TCF4: variants seen among roughly 807,000 people sequenced by gnomAD.
The protein encoded by TCF4 is transcription factor 4.
Under a neutral mutation model 82.1 loss-of-function variants are expected in TCF4, and 3 were observed. That is an observed-to-expected ratio of 0.04 (90% CI 0.02 to 0.09). The LOEUF is 0.09. TCF4 is among the 10% of genes least tolerant of loss of function. TCF4 has a pLI of 1.00. For synonymous variants in TCF4, 276 were observed against 309.6 expected, an observed-to-expected ratio of 0.89 and a Z score of 1.14; for missense variants, 518 against 852.7, an observed-to-expected ratio of 0.61 and a Z score of 4.89.
intron 8 of TCF4, among the ~76,000 whole-genome samples, chr18:55,285,738 C>T (rs1464511700): frequency 5.3e-5 from 8 of 152,144 alleles, no homozygotes. Context: ...TGCCACTCGC[C>T]GTCAGGACAG....
In TCF4 at chr18:55,276,082, A is replaced by G. The variant is rs185144249; in HGVS notation, c.656-330T>C. Among the ~76,000 whole-genome samples, 28 of 152,296 alleles carry G rather than the reference A, an allele frequency of 1.8e-4. No individual in the cohort carries two copies. The East Asian group carries it at 5.2e-3, about 28-fold the overall frequency. On this transcript the variant is annotated intron_variant, in intron 9 of 19. Coordinates refer to ENST00000354452, the MANE Select transcript of TCF4 (RefSeq NM_001083962.2). The stretch of plus-strand genomic sequence containing the variant: ...TAGAAGTCTTCTAACTGTTTTTTCT[A>G]TGAAAACCAACTAAAAAGTTAAATT...
At chr18:55,361,324 T>C (rs2085126993) in intron 6 of TCF4, among the ~76,000 whole-genome samples, 1 of 152,016 alleles carries the variant, frequency 6.6e-6, no homozygotes, top group Non-Finnish European at 1.5e-5. Context: ...CTTTCACACA[T>C]TTCTCCACTA....
intron 6 of TCF4, among the ~76,000 whole-genome samples, chr18:55,352,480 T>C (rs907612357): frequency 6.6e-6 from 1 of 152,152 alleles, no homozygotes; most frequent in East Asian, 1.9e-4. Flanking sequence ...TCAAGAGATA[T>C]GTAATAAACA....
chr18:55,244,815 A>G (rs543657455), intron 15 of TCF4, among the ~76,000 whole-genome samples: 12 of 152,348 alleles, frequency 7.9e-5, no homozygotes, highest in African/African-American at 2.4e-4. Context: ...ATTCTCCAAT[A>G]ACTTTCACAC....
At chr18:55,239,626 T>C (rs1323905045) in intron 15 of TCF4, among the ~76,000 whole-genome samples, 1 of 152,242 alleles carries the variant, frequency 6.6e-6, no homozygotes, top group Non-Finnish European at 1.5e-5. Flanking sequence ...GGGAAAATCA[T>C]AGTTCATTAA....
intron 8 of TCF4, chr18:55,332,159 T>G (rs551320673): frequency 5.9e-5 from 9 of 152,294 alleles, no homozygotes. Flanking sequence ...AAACATTTTC[T>G]TAGAGGGACA....
At chr18:55,560,490 A>G (rs1381184060) in intron 3 of TCF4, among the ~76,000 whole-genome samples, 1 of 152,186 alleles carries the variant, frequency 6.6e-6, no homozygotes, top group Non-Finnish European at 1.5e-5. Flanking sequence ...ACAAATGAGG[A>G]AATTCTATCC....
Position 55,259,566 on chromosome 18 carries a change from T to A in TCF4, c.1069+383A>T, listed in dbSNP as rs182222556. ...TGCAGGAAATGATCCATTTAAATAG[T>A]CTATATTTGATGACTATCTAGTCTA... On this transcript the variant is annotated intron_variant, in intron 13 of 19. Transcript: ENST00000354452. 2.8e-3 allele frequency: 506 copies of A among 179,248 alleles called. 1 individual carries two copies. Among genetic ancestry groups the A allele is most frequent in the Middle Eastern group, 0.017 (6 of 352 alleles). 11.1% of individuals were successfully genotyped at this position (179,248 alleles called of 1,614,324 possible). A position where few individuals can be genotyped will look rare whatever the true frequency, so the allele number is the denominator to read the frequency against.
chr18:55,375,065 G>A (rs1175042928), intron 6 of TCF4, among the ~76,000 whole-genome samples: 1 of 151,666 alleles, frequency 6.6e-6, no homozygotes, highest in Non-Finnish European at 1.5e-5. Context: ...CTCCTCTCAA[G>A]GTAGAACCTT....
chr18:55,412,468 C>T (rs2094387955), intron 5 of TCF4, among the ~76,000 whole-genome samples: 1 of 151,952 alleles, frequency 6.6e-6, no homozygotes, highest in Non-Finnish European at 1.5e-5. Flanking sequence ...ATTGATCAGA[C>T]CCACTGGCCC....
intron 3 of TCF4, among the ~76,000 whole-genome samples, chr18:55,555,806 C>T (rs1244561995): frequency 1.4e-4 from 22 of 151,900 alleles, no homozygotes; most frequent in Admixed American, 1.4e-3. Flanking sequence ...AATCCATTAT[C>T]GGTGTACATT....
At chr18:55,530,325 T>C (rs1222519480) in intron 3 of TCF4, among the ~76,000 whole-genome samples, 1 of 151,806 alleles carries the variant, frequency 6.6e-6, no homozygotes, top group Non-Finnish European at 1.5e-5. Context: ...GAGTAGGGGG[T>C]TGGGATTCAA....
chr18:55,434,762 T>TTGTG (rs1433335330), intron 5 of TCF4, among the ~76,000 whole-genome samples: 13 of 21,322 alleles, frequency 6.1e-4, no homozygotes, highest in Non-Finnish European at 1.6e-3. Context: ...TCTCAAGTAT[T>TTGTG]CGTGTGTGTG....
At chr18:55,453,440 A>G (rs2144483697) in intron 5 of TCF4, among the ~76,000 whole-genome samples, 1 of 152,332 alleles carries the variant, frequency 6.6e-6, no homozygotes, top group African/African-American at 2.4e-5. Context: ...ATTGCTTTTT[A>G]CTTTTATGTG....
intron 3 of TCF4, among the ~76,000 whole-genome samples, chr18:55,513,146 G>A (rs1049380488): frequency 6.6e-6 from 1 of 152,152 alleles, no homozygotes; most frequent in Non-Finnish European, 1.5e-5. Flanking sequence ...CTGGCATGAA[G>A]ACGATAAAAC....
At chr18:55,324,132 A>AT (rs1481347430) in intron 8 of TCF4, among the ~76,000 whole-genome samples, 6 of 152,234 alleles carry the variant, frequency 3.9e-5, no homozygotes, top group Admixed American at 2.0e-4. Flanking sequence ...AATTCAGCAC[A>AT]TAAGACTGAA....
At chr18:55,494,144 T>A (rs969772507) in intron 3 of TCF4, among the ~76,000 whole-genome samples, 2 of 104,182 alleles carry the variant, frequency 1.9e-5, no homozygotes, top group African/African-American at 6.4e-5. Context: ...AGCAATGTGA[T>A]TGAAATATTA....
chr18:55,447,084 GC>G, intron 5 of TCF4, among the ~76,000 whole-genome samples: 1 of 152,106 alleles, frequency 6.6e-6, no homozygotes, highest in African/African-American at 2.4e-5. Flanking sequence ...CAGGATGACT[GC>G]TTGAGGCTAG....
chr18:55,285,036 A>G (rs1814255789), intron 8 of TCF4, among the ~76,000 whole-genome samples: 1 of 152,236 alleles, frequency 6.6e-6, no homozygotes, highest in Non-Finnish European at 1.5e-5. Flanking sequence ...GGCCTCAGTA[A>G]GAAAAATGAA....
Sources: allele counts gnomAD v4.1 joint callset (sites outside exome capture counted in the v4.1 genomes callset), GRCh38; gene constraint gnomAD v4.1.1; transcripts MANE v1.5; gene names NCBI Gene and HGNC (gene_info 2026-07-23, HGNC 2026-07-21).